The following PDE5A variants were observed in gnomAD, a reference collection of about 807,000 sequenced individuals.
PDE5A encodes cGMP-specific 3',5'-cyclic phosphodiesterase.
Under a neutral mutation model 110.2 loss-of-function variants are expected in PDE5A, and 67 were observed. That is an observed-to-expected ratio of 0.61 (90% CI 0.50 to 0.75). The LOEUF (loss-of-function observed/expected upper bound fraction) is 0.75, where lower values mean the gene tolerates loss of function less well. PDE5A is among the 30% of genes least tolerant of loss of function. The pLI is 0.00. For missense variants in PDE5A, 862 were observed against 1,045.1 expected (o/e 0.82, Z 2.42); for synonymous variants, 328 against 351.2 (o/e 0.93, Z 0.74).
At chr4:119,522,668 T>C (rs1726170993) in intron 12 of PDE5A, among the ~76,000 whole-genome samples, 1 of 152,080 alleles carries the variant, frequency 6.6e-6, no homozygotes, top group Non-Finnish European at 1.5e-5. Context: ...CCTAATAGAA[T>C]TGGATAACCC....
At position 119,590,234 on chromosome 4, in the gene PDE5A, T is replaced by C. The variant is rs182338656; in HGVS notation, c.831+6289A>G. ...TTGTCATGAAGATTAAATGAACTAA[T>C]ACTTGCCAGATCATTAGCACAGTTT... On this transcript the variant is annotated intron_variant, in intron 3 of 20. Coordinates refer to ENST00000354960, the MANE Select transcript of PDE5A (RefSeq NM_001083.4). 2.0e-5 allele frequency among the ~76,000 whole-genome samples: 3 copies of C among 152,320 alleles called. No individual in the cohort carries two copies. In the East Asian group the frequency reaches 5.8e-4, roughly 29 times the overall value.
chr4:119,583,958 T>C (rs1056647094), intron 3 of PDE5A, among the ~76,000 whole-genome samples: 2 of 152,196 alleles, frequency 1.3e-5, no homozygotes, highest in Middle Eastern at 3.4e-3. Context: ...ATGAGCAGAT[T>C]TGATAGCAGG....
In PDE5A at chr4:119,501,170, C is replaced by T; in HGVS notation, c.2490G>A (p.Glu830=). The T allele has an allele frequency of 6.3e-7, 1 of 1,589,258 alleles. No individual in the cohort carries two copies. The highest frequency in any genetic ancestry group is 8.6e-7 in the Non-Finnish European group (1 of 1,158,000). ...FIDAICLQLY[E]ALTHVSEDCF... Reference sequence around the variant, plus strand: ...AGTCTAGTAGTTTTCATATAAATACCTCATACAGTTGCAAGCAGATGGCAT... The same window carrying T: ...AGTCTAGTAGTTTTCATATAAATACTTCATACAGTTGCAAGCAGATGGCAT... The change falls in exon 20 of 21, where the codon GAG becomes GAA. Residue 830 remains glutamate (E), a splice_region_variant and synonymous_variant. Transcript: ENST00000354960.
Position 119,628,731 on chromosome 4 carries a change from C to G in PDE5A, c.-60G>C, listed in dbSNP as rs191959415. ...CTGCTTTTCCACCCCAGCTGGGGTC[C>G]GTCCCTCAGAAGAACAGGACTCGGC... On this transcript the variant is annotated 5_prime_UTR_variant, in exon 1 of 21. Transcript: ENST00000354960. The G allele has an allele frequency of 1.1e-5, 17 of 1,592,314 alleles. No individual in the cohort carries two copies. The highest frequency in any genetic ancestry group is 1.4e-5 in the Non-Finnish European group (17 of 1,174,538).
Position 119,525,409 on chromosome 4 carries a change from G to T in PDE5A, c.1779+140C>A. On this transcript the variant is annotated intron_variant, in intron 12 of 20. Transcript: ENST00000354960. This position sits in a 1 kb window ranked among gnomAD's most constrained non-coding sequence, Gnocchi z 4.3. Reference sequence around the variant, plus strand: ...TGATAATTTTTCTTTAAAAGTCTCGGGTATATATTAGGTGACAGTATATTA... The same window carrying T: ...TGATAATTTTTCTTTAAAAGTCTCGTGTATATATTAGGTGACAGTATATTA... 2 of 690,206 alleles carry T rather than the reference G, an allele frequency of 2.9e-6. No individual in the cohort carries two copies. Among genetic ancestry groups the T allele is most frequent in the Non-Finnish European group, 4.5e-6 (2 of 440,972 alleles). The allele number at this position is 690,206 out of a possible 1,614,324, so 42.8% of individuals were successfully genotyped here. A position where few individuals can be genotyped will look rare whatever the true frequency, so the allele number is the denominator to read the frequency against.
At chr4:119,574,810 T>G (rs1023366804) in intron 3 of PDE5A, among the ~76,000 whole-genome samples, 5 of 152,192 alleles carry the variant, frequency 3.3e-5, no homozygotes, top group Non-Finnish European at 7.3e-5. Flanking sequence ...AAGTAGATTC[T>G]TCAAGAAAAA....
At chr4:119,557,680 T>G (rs916527705) in intron 7 of PDE5A, among the ~76,000 whole-genome samples, 2 of 152,182 alleles carry the variant, frequency 1.3e-5, no homozygotes, top group Admixed American at 1.3e-4. Context: ...ATTTGATTCT[T>G]AGTACAATCC....
Position 119,627,055 on chromosome 4 carries a change from A to T in PDE5A, c.152+1465T>A. 1 of 1,388,994 alleles carries T rather than the reference A, an allele frequency of 7.2e-7. No individual in the cohort carries two copies. Among genetic ancestry groups the T allele is most frequent in the Non-Finnish European group, 1.0e-6 (1 of 987,860 alleles). The allele number at this position is 1,388,994 out of a possible 1,614,324, so 86.0% of individuals were successfully genotyped here. A position where few individuals can be genotyped will look rare whatever the true frequency, so the allele number is the denominator to read the frequency against. ...TCAATTTTCAATGATACATCGTCCCACTGGTGCCACCGGGGCGCCACCACC... is the reference window on the plus strand; with the variant it reads ...TCAATTTTCAATGATACATCGTCCCTCTGGTGCCACCGGGGCGCCACCACC... On this transcript the variant is annotated intron_variant, in intron 1 of 20. Coordinates refer to ENST00000354960, the MANE Select transcript of PDE5A (RefSeq NM_001083.4). This position sits in a 1 kb window ranked among gnomAD's most constrained non-coding sequence, Gnocchi z 4.6.
At chr4:119,530,715 A>G (rs1266696084) in intron 11 of PDE5A, among the ~76,000 whole-genome samples, 2 of 152,246 alleles carry the variant, frequency 1.3e-5, no homozygotes, top group African/African-American at 4.8e-5. Context: ...GAATAAATAA[A>G]TGGGTTTTTA....
chr4:119,581,388 G>A (rs1249546898), intron 3 of PDE5A, among the ~76,000 whole-genome samples: 1 of 152,138 alleles, frequency 6.6e-6, no homozygotes, highest in African/African-American at 2.4e-5. Flanking sequence ...CTGAAAGCTA[G>A]ATATCCATAT....
chr4:119,590,432 A>G (rs1182162124), intron 3 of PDE5A, among the ~76,000 whole-genome samples: 3 of 152,070 alleles, frequency 2.0e-5, no homozygotes, highest in Non-Finnish European at 4.4e-5. Context: ...CATTTTCTCC[A>G]GCCAGTAGCT....
chr4:119,561,311 G>A lies in PDE5A; in HGVS notation c.1132-948C>T, dbSNP rs527414689. On this transcript the variant is annotated intron_variant, in intron 6 of 20. Coordinates refer to ENST00000354960, the MANE Select transcript of PDE5A (RefSeq NM_001083.4). The stretch of plus-strand genomic sequence containing the variant: ...CATTTTCACCTTTGCTCATGTTGTT[G>A]ATGTACTTTTAAACAACAAATAAAT... Among the ~76,000 whole-genome samples, 3 of 152,182 alleles carry A rather than the reference G, an allele frequency of 2.0e-5. No homozygotes were observed. In the East Asian group the frequency reaches 5.8e-4, roughly 29 times the overall value.
chr4:119,511,604 T>C (rs1725746444), intron 14 of PDE5A, among the ~76,000 whole-genome samples: 1 of 152,066 alleles, frequency 6.6e-6, no homozygotes, highest in East Asian at 1.9e-4. Context: ...AAGGACTGAC[T>C]GAGATGGAAT....
intron 7 of PDE5A, among the ~76,000 whole-genome samples, chr4:119,559,519 G>A (rs928584778): frequency 1.3e-5 from 2 of 152,014 alleles, no homozygotes; most frequent in Non-Finnish European, 2.9e-5. Flanking sequence ...CATTATTTAT[G>A]CAAGCCAAAA....
intron 11 of PDE5A, among the ~76,000 whole-genome samples, chr4:119,536,267 T>A (rs1016627680): frequency 6.6e-6 from 1 of 152,204 alleles, no homozygotes; most frequent in African/African-American, 2.4e-5. Context: ...AACTTGAATA[T>A]CATCTTTAGA....
At chr4:119,568,638 A>G (rs900676251) in intron 3 of PDE5A, among the ~76,000 whole-genome samples, 1 of 152,168 alleles carries the variant, frequency 6.6e-6, no homozygotes, top group African/African-American at 2.4e-5. Flanking sequence ...TGCTAGGAGC[A>G]CTGAAGGGGC....
At chr4:119,563,264 G>T (rs535848596) in intron 5 of PDE5A, among the ~76,000 whole-genome samples, 1 of 152,082 alleles carries the variant, frequency 6.6e-6, no homozygotes, top group Non-Finnish European at 1.5e-5. Flanking sequence ...GGATATTAAT[G>T]ACATTAAAAT....
chr4:119,509,670 CAT>C (rs1479280210), intron 15 of PDE5A, among the ~76,000 whole-genome samples: 5 of 151,986 alleles, frequency 3.3e-5, no homozygotes, highest in Admixed American at 1.3e-4. Context: ...CCCAATCACA[CAT>C]GATATAATTC....
intron 13 of PDE5A, 76 bp from the exon 14 acceptor site, chr4:119,519,215 G>T: frequency 9.2e-7 from 1 of 1,090,552 alleles, no homozygotes; most frequent in Non-Finnish European, 1.4e-6. Flanking sequence ...CCTCTTTTCA[G>T]TAATCTTTTT....
Sources: gnomAD v4.1 joint callset for allele counts (sites outside exome capture counted in the v4.1 genomes callset) on GRCh38, gnomAD v4.1.1 for gene constraint, Gnocchi (gnomAD v3.1) non-coding constraint, MANE v1.5 for transcripts, NCBI Gene and HGNC (gene_info 2026-07-23, HGNC 2026-07-21) for gene names.